TMEM232: variants seen among roughly 807,000 people sequenced by gnomAD.
The protein encoded by TMEM232 is transmembrane protein 232.
TMEM232 carries 80 observed loss-of-function variants against 78.8 expected under a neutral mutation model. That is an observed-to-expected ratio of 1.01 (90% CI 0.85 to 1.22). The LOEUF is 1.22. TMEM232 is among the 50% of genes most tolerant of loss of function. TMEM232 has a pLI of 0.00. For missense variants in TMEM232, 881 were observed against 742.2 expected, an observed-to-expected ratio of 1.19 and a Z score of -2.17; for synonymous variants, 297 against 254.3, an observed-to-expected ratio of 1.17 and a Z score of -1.60.
chr5:110,595,823 G>A (rs1410349483), intron 10 of TMEM232, among the ~76,000 whole-genome samples: 1 of 152,168 alleles, frequency 6.6e-6, no homozygotes, highest in Non-Finnish European at 1.5e-5. Flanking sequence ...AAGTGATGGG[G>A]AGAATGGAAC....
intron 2 of TMEM232, among the ~76,000 whole-genome samples, chr5:110,661,053 T>C (rs1789712259): frequency 6.6e-6 from 1 of 152,186 alleles, no homozygotes; most frequent in Admixed American, 6.5e-5. Context: ...GATCAATTTA[T>C]TTTAGCACAC....
intron 12 of TMEM232, among the ~76,000 whole-genome samples, chr5:110,498,221 A>G (rs901552686): frequency 6.6e-6 from 1 of 152,176 alleles, no homozygotes; most frequent in African/African-American, 2.4e-5. Context: ...GAAAATTACA[A>G]TGTCTACTTT....
intron 1 of TMEM232, among the ~76,000 whole-genome samples, chr5:110,673,939 G>A (rs779090205): frequency 1.4e-5 from 2 of 141,838 alleles, no homozygotes; most frequent in African/African-American, 2.6e-5. Flanking sequence ...ATAAAGGCCT[G>A]ATTATCTCCT....
intron 1 of TMEM232, among the ~76,000 whole-genome samples, chr5:110,680,332 G>C (rs1792565106): frequency 6.6e-6 from 1 of 151,170 alleles, no homozygotes; most frequent in South Asian, 2.1e-4. Flanking sequence ...GGGAGGTGGA[G>C]GCTGCGGTGA....
chr5:110,448,099 T>C (rs1310602985), intron 12 of TMEM232, among the ~76,000 whole-genome samples: 1 of 151,980 alleles, frequency 6.6e-6, no homozygotes, highest in East Asian at 1.9e-4. Flanking sequence ...ACAAAAGCAA[T>C]ATTCTACAAA....
chr5:110,720,915 G>C (rs1191561865), intron 1 of TMEM232: 2 of 151,968 alleles, frequency 1.3e-5, no homozygotes, highest in Non-Finnish European at 2.9e-5. Context: ...TTTTAAACTG[G>C]AAAAAATAGG....
At chr5:110,671,939 A>G (rs1791402019) in intron 1 of TMEM232, among the ~76,000 whole-genome samples, 1 of 152,204 alleles carries the variant, frequency 6.6e-6, no homozygotes, top group South Asian at 2.1e-4. Context: ...TATCAGAAAT[A>G]TCTAGAAATA....
At chr5:110,465,255 G>T (rs1293517194) in intron 12 of TMEM232, among the ~76,000 whole-genome samples, 1 of 152,218 alleles carries the variant, frequency 6.6e-6, no homozygotes, top group Non-Finnish European at 1.5e-5. Context: ...ATCCTCCAGA[G>T]CTGAGGCTAT....
rs1405291863 is a variant in TMEM232, at chr5:110,419,789, A to T, written c.*791T>A. 6.6e-6 allele frequency among the ~76,000 whole-genome samples: 1 copy of T among 152,158 alleles called. No homozygotes were observed. The highest frequency in any genetic ancestry group is 1.9e-4 in the East Asian group (1 of 5,200). On this transcript the variant is annotated 3_prime_UTR_variant, in exon 14 of 14. Transcript: ENST00000455884. Reference sequence around the variant, plus strand: ...ATCTATATTTTTCAGTTTTCAGGAAAGGAATATAAGACATCACAAAAACTC... The same window carrying T: ...ATCTATATTTTTCAGTTTTCAGGAATGGAATATAAGACATCACAAAAACTC...
At chr5:110,524,403 GAAA>G (rs1770183702) in intron 12 of TMEM232, among the ~76,000 whole-genome samples, 1 of 76,684 alleles carries the variant, frequency 1.3e-5, no homozygotes, top group East Asian at 3.9e-4. Context: ...AAGAAAGAAA[GAAA>G]GAAAGAAAGA....
intron 10 of TMEM232, among the ~76,000 whole-genome samples, chr5:110,579,064 T>C (rs1405993620): frequency 2.0e-5 from 3 of 151,798 alleles, no homozygotes; most frequent in African/African-American, 7.2e-5. Flanking sequence ...ATATTCTAGA[T>C]ATCAAAAGTA....
In TMEM232 at chr5:110,400,892, G is replaced by A. The variant is rs1238823405; in HGVS notation, n.309-3038C>T. On this transcript the variant is annotated intron_variant and non_coding_transcript_variant, in intron 2 of 8. Transcript: ENST00000507188. ...TTTAATCTAGCTCCTAGGTAAAATT[G>A]TTTTTTTCTTCTCTATAATCATTAG... Among the ~76,000 whole-genome samples, 4 of 151,954 alleles carry A rather than the reference G, an allele frequency of 2.6e-5. No homozygotes were observed. In the East Asian group the frequency reaches 7.7e-4, roughly 29 times the overall value.
rs146117698 is a variant in TMEM232, at chr5:110,721,673, G to GTGTATATATATATATATA, written c.-13+4953_-13+4954insTATATATATATATATACA. 3.7e-4 allele frequency among the ~76,000 whole-genome samples: 13 copies of GTGTATATATATATATATA among 35,482 alleles called. 1 individual carries two copies. Among genetic ancestry groups the GTGTATATATATATATATA allele is most frequent in the East Asian group, 3.5e-3 (3 of 852 alleles). The allele number at this position is 35,482 out of a possible 152,430, so 23.3% of individuals were successfully genotyped here. A position where few individuals can be genotyped will look rare whatever the true frequency, so the allele number is the denominator to read the frequency against. ...GCATATCATGTGTGTGTGTGTGTGT[G>GTGTATATATATATATATA]TATATATATATCTGTGTGTGTTAGT... On this transcript the variant is annotated intron_variant, in intron 1 of 13. Transcript: ENST00000455884.
At chr5:110,666,156 G>A (rs1363294315) in intron 2 of TMEM232, among the ~76,000 whole-genome samples, 1 of 152,010 alleles carries the variant, frequency 6.6e-6, no homozygotes, top group Non-Finnish European at 1.5e-5. Flanking sequence ...GTTAAATCCA[G>A]GGCTTTTGAA....
chr5:110,411,991 T>C (rs985721243), intron 2 of TMEM232, among the ~76,000 whole-genome samples: 1 of 152,130 alleles, frequency 6.6e-6, no homozygotes, highest in Non-Finnish European at 1.5e-5. Context: ...TATATATTAG[T>C]TTCATATTTT....
intron 12 of TMEM232, among the ~76,000 whole-genome samples, chr5:110,526,982 AT>A (rs1353953885): frequency 2.0e-5 from 3 of 151,932 alleles, no homozygotes; most frequent in African/African-American, 7.2e-5. Context: ...GCTAATTTTC[AT>A]TTTAAAATGA....
At chr5:110,445,551 T>C (rs1183392367) in intron 12 of TMEM232, among the ~76,000 whole-genome samples, 1 of 152,082 alleles carries the variant, frequency 6.6e-6, no homozygotes, top group Non-Finnish European at 1.5e-5. Context: ...ACTATATTAG[T>C]TATATATTGC....
chr5:110,667,289 G>A lies in TMEM232; in HGVS notation c.64C>T (p.His22Tyr), dbSNP rs982001183. The A allele has an allele frequency of 1.3e-6, 2 of 1,545,164 alleles. No homozygotes were observed. Among genetic ancestry groups the A allele is most frequent in the East Asian group, 2.5e-5 (1 of 40,586 alleles). ...AAATTTAATTTCCAGAGCTCTTCAT[G>A]ATAAGGGGAAGATATGCCTCCACAT... ...NTCGGISSPYHEELWKLNFQH... is the reference protein window; with the variant it reads ...NTCGGISSPYYEELWKLNFQH... Residue 22 changes from histidine to tyrosine, a missense_variant, in exon 2 of 14, where the codon CAT (histidine) becomes TAT (tyrosine). His to Tyr is a moderately conservative substitution (Grantham distance 83). Transcript: ENST00000455884.
intron 12 of TMEM232, among the ~76,000 whole-genome samples, chr5:110,479,461 C>G (rs1763622209): frequency 6.6e-6 from 1 of 151,688 alleles, no homozygotes; most frequent in Non-Finnish European, 1.5e-5. Flanking sequence ...TCACTAATAC[C>G]TTCTCAAATA....
Sources: allele counts gnomAD v4.1 joint callset (sites outside exome capture counted in the v4.1 genomes callset), GRCh38; gene constraint gnomAD v4.1.1; transcripts MANE v1.5; gene names NCBI Gene and HGNC (gene_info 2026-07-23, HGNC 2026-07-21).